The following TMPRSS7 variants were observed in gnomAD, a reference collection of about 807,000 sequenced individuals.
TMPRSS7 encodes the protein transmembrane serine protease 7.
Under a neutral mutation model 95.6 loss-of-function variants are expected in TMPRSS7, and 81 were observed. The ratio of observed to expected loss-of-function variants is 0.85; its 90% CI spans 0.71 to 1.02. The LOEUF is 1.02. Ranked by LOEUF, TMPRSS7 falls within the 50% of genes least tolerant of loss-of-function variation. The pLI is 0.00. For missense variants in TMPRSS7, 945 were observed against 955.2 expected, an observed-to-expected ratio of 0.99 and a Z score of 0.14; for synonymous variants, 364 against 337.8, an observed-to-expected ratio of 1.08 and a Z score of -0.85.
At position 112,051,515 on chromosome 3, in the gene TMPRSS7, ATATCTATCTATCTATC is replaced by A. The variant is rs10546401; in HGVS notation, c.1203+768_1203+783del. Among the ~76,000 whole-genome samples, 740 of 145,410 alleles carry A rather than the reference ATATCTATCTATCTATC, an allele frequency of 5.1e-3. 6 individuals are homozygous for A. The highest frequency in any genetic ancestry group is 0.012 in the African/African-American group (467 of 38,806). On this transcript the variant is annotated intron_variant, in intron 9 of 17. Transcript: ENST00000452346. ...AAACCAGAGTGCAAATGTATACGAA[ATATCTATCTATCTATC>A]TATCTATCTATCTATCTATCTATCT...
chr3:112,034,992 C>A, intron 1 of TMPRSS7, 99 bp downstream of exon 1: 1 of 655,058 alleles, frequency 1.5e-6, no homozygotes, highest in Non-Finnish European at 2.7e-6. Flanking sequence ...ATAAAGGAAA[C>A]AATAATAAAA....
chr3:112,035,029 G>T (rs987857601), intron 1 of TMPRSS7, 136 bp downstream of exon 1: 10 of 620,022 alleles, frequency 1.6e-5, no homozygotes, highest in Admixed American at 2.7e-5. Flanking sequence ...GGTAATTAAT[G>T]GGTTTTACAA....
intron 1 of TMPRSS7, among the ~76,000 whole-genome samples, chr3:112,037,533 C>T (rs111431781): frequency 2.3e-3 from 344 of 152,274 alleles, no homozygotes; most frequent in African/African-American, 7.9e-3. Context: ...TTCACCCTGA[C>T]CTTGTGATCT....
At chr3:112,040,116 T>A (rs559621451) in intron 2 of TMPRSS7, among the ~76,000 whole-genome samples, 4 of 151,760 alleles carry the variant, frequency 2.6e-5, no homozygotes, top group African/African-American at 7.3e-5. Flanking sequence ...CTCAGAGATA[T>A]GAAAATCTGA....
At chr3:112,047,103 C>T in intron 6 of TMPRSS7, 91 bp downstream of exon 6, 1 of 679,806 alleles carries the variant, frequency 1.5e-6, no homozygotes, top group Non-Finnish European at 2.7e-6. Flanking sequence ...TTTGTTAGTG[C>T]TCTTTTAATT....
At chr3:112,050,772 T>G in exon 9 of TMPRSS7, 1 of 1,593,602 alleles carries the variant, frequency 6.3e-7, no homozygotes, top group Non-Finnish European at 8.5e-7. Context: ...CAAGTGTACC[T>G]GGAAATTTCA....
At chr3:112,068,841 C>T (rs1043394659) in intron 13 of TMPRSS7, among the ~76,000 whole-genome samples, 2 of 152,098 alleles carry the variant, frequency 1.3e-5, no homozygotes, top group African/African-American at 4.8e-5. Context: ...TTGCCCTGGC[C>T]AGAACTTCCA....
At chr3:112,061,690 A>C in intron 10 of TMPRSS7, 97 bp from the exon 11 acceptor site, 1 of 1,399,354 alleles carries the variant, frequency 7.1e-7, no homozygotes, top group South Asian at 1.6e-5. Context: ...CTGTTTGTGA[A>C]AACCAAATGA....
At chr3:112,073,842 T>C (rs1333633309) in intron 13 of TMPRSS7, among the ~76,000 whole-genome samples, 6 of 152,212 alleles carry the variant, frequency 3.9e-5, no homozygotes, top group Non-Finnish European at 8.8e-5. Flanking sequence ...CTCTCACCCT[T>C]GAAGAAACAA....
At chr3:112,060,443 T>C (rs113419520) in intron 10 of TMPRSS7, among the ~76,000 whole-genome samples, 6,481 of 152,172 alleles carry the variant, frequency 0.043, 420 homozygotes, top group African/African-American at 0.14. Flanking sequence ...TCATAGAAGA[T>C]GACCACACCC....
intron 9 of TMPRSS7, among the ~76,000 whole-genome samples, chr3:112,055,154 T>G (rs180966577): frequency 6.6e-6 from 1 of 152,258 alleles, no homozygotes; most frequent in Non-Finnish European, 1.5e-5. Context: ...CTTTTCCGAT[T>G]GAGCCCCCCA....
Position 112,038,831 on chromosome 3 carries a change from CT to C in TMPRSS7, c.298+522del, listed in dbSNP as rs567128294. ...TAAGCCAGAATTCTCTTTCTCATTTCTTTTTTTTTTTTACCAACACCATTTT... is the reference window on the plus strand; with the variant it reads ...TAAGCCAGAATTCTCTTTCTCATTTCTTTTTTTTTTTACCAACACCATTTT... On this transcript the variant is annotated intron_variant, in intron 2 of 17. Coordinates refer to ENST00000452346, the Ensembl canonical transcript of TMPRSS7. Among the ~76,000 whole-genome samples, 1,182 of 145,052 alleles carry C rather than the reference CT, an allele frequency of 8.1e-3. 8 individuals carry two copies. Among genetic ancestry groups the C allele is most frequent in the African/African-American group, 0.025 (1,009 of 39,900 alleles).
intron 10 of TMPRSS7, among the ~76,000 whole-genome samples, chr3:112,060,335 C>A (rs937584364): frequency 1.3e-5 from 2 of 152,082 alleles, no homozygotes; most frequent in African/African-American, 2.4e-5. Context: ...AGCAGACAAC[C>A]GGTCTGACCA....
intron 8 of TMPRSS7, 142 bp from the exon 9 acceptor site, chr3:112,050,529 A>AAAAAAAC (rs1576103921): frequency 8.3e-6 from 3 of 360,272 alleles, no homozygotes; most frequent in East Asian, 4.4e-5. Context: ...TCTGAAAAAA[A>AAAAAAAC]AAAAAAAAAC....
intron 7 of TMPRSS7, among the ~76,000 whole-genome samples, chr3:112,048,574 G>T: frequency 6.6e-6 from 1 of 152,074 alleles, no homozygotes; most frequent in African/African-American, 2.4e-5. Flanking sequence ...AACTAATAAT[G>T]AATTAGGCTT....
chr3:112,036,606 A>C (rs1490706386), intron 1 of TMPRSS7, among the ~76,000 whole-genome samples: 1 of 151,424 alleles, frequency 6.6e-6, no homozygotes, highest in African/African-American at 2.4e-5. Flanking sequence ...GTGTACACAC[A>C]TGATTCTACC....
chr3:112,045,588 C>A (rs2073268757), intron 4 of TMPRSS7, among the ~76,000 whole-genome samples, 162 bp from the exon 5 acceptor site: 1 of 152,218 alleles, frequency 6.6e-6, no homozygotes, highest in Non-Finnish European at 1.5e-5. Context: ...ATGATGCTGT[C>A]CTTTGCCAAT....
chr3:112,073,525 C>A (rs1243173424), intron 13 of TMPRSS7, among the ~76,000 whole-genome samples: 2 of 152,196 alleles, frequency 1.3e-5, no homozygotes, highest in Non-Finnish European at 2.9e-5. Context: ...CTGTTGGCTG[C>A]ATAAATGTCT....
chr3:112,045,585 T>A (rs1402373111), intron 4 of TMPRSS7, among the ~76,000 whole-genome samples, 165 bp from the exon 5 acceptor site: 1 of 152,282 alleles, frequency 6.6e-6, no homozygotes, highest in Non-Finnish European at 1.5e-5. Context: ...AACATGATGC[T>A]GTCCTTTGCC....
Sources: allele counts gnomAD v4.1 joint callset (sites outside exome capture counted in the v4.1 genomes callset), GRCh38; gene constraint gnomAD v4.1.1; transcripts MANE v1.5; gene names NCBI Gene and HGNC (gene_info 2026-07-23, HGNC 2026-07-21).